Variants in CMC1 observed in about 807,000 individuals in gnomAD.
The protein encoded by CMC1 is C-X9-C motif containing 1.
CMC1 carries 14 observed loss-of-function variants against 14.1 expected under a neutral mutation model. That is an observed-to-expected ratio of 0.99 (90% CI 0.66 to 1.55). The LOEUF (loss-of-function observed/expected upper bound fraction) is 1.55, where lower values mean the gene tolerates loss of function less well. CMC1 is among the 40% of genes most tolerant of loss of function. The pLI is 0.00. For missense variants in CMC1, 127 were observed against 123.8 expected, an observed-to-expected ratio of 1.03 and a Z score of -0.12; for synonymous variants, 50 against 38.4, an observed-to-expected ratio of 1.30 and a Z score of -1.12.
intron 2 of CMC1, among the ~76,000 whole-genome samples, chr3:28,281,187 A>G (rs1700875408): frequency 6.6e-6 from 1 of 152,248 alleles, no homozygotes. Flanking sequence ...AGCTGTCTAC[A>G]TAAATGTGAC....
intron 2 of CMC1, among the ~76,000 whole-genome samples, chr3:28,302,184 A>T (rs1478903443): frequency 6.6e-6 from 1 of 152,198 alleles, no homozygotes; most frequent in Non-Finnish European, 1.5e-5. Context: ...AGTATGAAAA[A>T]GTCCAACAGG....
Position 28,322,574 on chromosome 3 carries a change from CAGGT to C in CMC1, c.*2948_*2951del, listed in dbSNP as rs1208821248. ...TAGTTTTTGCTGCTTTGTTATTACA[CAGGT>C]AGTTGCTTCCTTCAGCTAAAGCCTG... On this transcript the variant is annotated 3_prime_UTR_variant, in exon 4 of 4. Transcript: ENST00000466830. 6.6e-6 allele frequency: 1 copy of C among 151,476 alleles called. No homozygotes were observed. The highest frequency in any genetic ancestry group is 1.5e-5 in the Non-Finnish European group (1 of 67,364). 9.4% of individuals were successfully genotyped at this position (151,476 alleles called of 1,614,324 possible).
chr3:28,260,194 TATGTATTGCTG>T (rs1364863852), intron 1 of CMC1, among the ~76,000 whole-genome samples: 1 of 152,176 alleles, frequency 6.6e-6, no homozygotes, highest in African/African-American at 2.4e-5. Flanking sequence ...TCTTTCTTTT[TATGTATTGCTG>T]AGTTTGATTT....
chr3:28,283,278 C>G (rs1700988792), intron 2 of CMC1, among the ~76,000 whole-genome samples: 1 of 152,002 alleles, frequency 6.6e-6, no homozygotes, highest in African/African-American at 2.4e-5. Flanking sequence ...CTTTGGTGGG[C>G]TGGGGTAGGC....
At chr3:28,274,954 T>A (rs1229082265) in intron 2 of CMC1, among the ~76,000 whole-genome samples, 1 of 152,162 alleles carries the variant, frequency 6.6e-6, no homozygotes, top group East Asian at 1.9e-4. Flanking sequence ...TCCTTTATGT[T>A]CCTTTCTAAA....
intron 2 of CMC1, among the ~76,000 whole-genome samples, chr3:28,273,893 A>G (rs1204946108): frequency 2.0e-5 from 3 of 152,156 alleles, no homozygotes; most frequent in Admixed American, 6.5e-5. Context: ...GTCTTTTGAC[A>G]AAAAGTAGGA....
intron 1 of CMC1, among the ~76,000 whole-genome samples, chr3:28,255,199 A>G (rs17021298): frequency 0.16 from 24,103 of 149,132 alleles, 2,530 homozygotes; most frequent in East Asian, 0.48. Flanking sequence ...TTTCTCTCCA[A>G]CCATGCTTCC....
chr3:28,263,478 A>T (rs1699839212), intron 2 of CMC1, 98 bp downstream of exon 2: 2 of 724,100 alleles, frequency 2.8e-6, no homozygotes, highest in Middle Eastern at 2.6e-4. Flanking sequence ...ATGAATTAAT[A>T]TGTATGAATT....
At chr3:28,304,288 T>A (rs1245371962) in intron 2 of CMC1, among the ~76,000 whole-genome samples, 1 of 152,112 alleles carries the variant, frequency 6.6e-6, no homozygotes, top group African/African-American at 2.4e-5. Flanking sequence ...TATTTTATAT[T>A]CCTTTTGTCA....
At position 28,300,707 on chromosome 3, in the gene CMC1, CA is replaced by C. The variant is rs1559436577; in HGVS notation, c.110-15625del. Among the ~76,000 whole-genome samples, 126 of 67,330 alleles carry C rather than the reference CA, an allele frequency of 1.9e-3. 3 individuals are homozygous for C. Among genetic ancestry groups the C allele is most frequent in the African/African-American group, 7.1e-3 (120 of 16,940 alleles). The allele number at this position is 67,330 out of a possible 152,430, so 44.2% of individuals were successfully genotyped here. On this transcript the variant is annotated intron_variant, in intron 2 of 3. Transcript: ENST00000466830. The stretch of plus-strand genomic sequence containing the variant: ...CCTTTCCCTCCCTTTCCCTCCCTCT[CA>C]CCCTCCCTCCTTCCTCCCTCTCTCC...
At chr3:28,279,185 T>G (rs1700739544) in intron 2 of CMC1, among the ~76,000 whole-genome samples, 1 of 152,128 alleles carries the variant, frequency 6.6e-6, no homozygotes. Context: ...GAAATAGCAC[T>G]GGGTGAGTCC....
chr3:28,268,177 A>C (rs1181393192), intron 2 of CMC1, among the ~76,000 whole-genome samples: 1 of 152,234 alleles, frequency 6.6e-6, no homozygotes, highest in Non-Finnish European at 1.5e-5. Flanking sequence ...ATGGGTTCCC[A>C]ATCACCATTG....
chr3:28,262,675 A>G (rs1437348432), intron 1 of CMC1, among the ~76,000 whole-genome samples: 1 of 152,140 alleles, frequency 6.6e-6, no homozygotes, highest in Non-Finnish European at 1.5e-5. Context: ...GGTTCACTGA[A>G]GGCACTTATC....
Position 28,319,604 on chromosome 3 carries a change from T to C in CMC1, c.296T>C (p.Leu99Pro), listed in dbSNP as rs759263622. 2.2e-5 allele frequency: 35 copies of C among 1,607,734 alleles called. No individual in the cohort carries two copies. In the Admixed American group the frequency reaches 3.9e-4, roughly 18 times the overall value. ...RKTGIPTKKRLQKLPTSM is the reference protein window; with the variant it reads ...RKTGIPTKKRPQKLPTSM ...ACTGGAATTCCTACAAAGAAAAGGC[T>C]ACAGAAGCTTCCAACAAGCATGTAG... The change falls in exon 4 of 4, where the codon CTA becomes CCA. Residue 99 changes from leucine to proline, a missense_variant. Leu to Pro is a moderately conservative substitution (Grantham distance 98). Coordinates refer to ENST00000466830, the MANE Select transcript of CMC1 (RefSeq NM_182523.2).
rs762101485 is a variant in CMC1, at chr3:28,263,275, A to G, written c.20-16A>G. The G allele has an allele frequency of 1.3e-6, 2 of 1,556,310 alleles. No homozygotes were observed. Among genetic ancestry groups the G allele is most frequent in the East Asian group, 2.3e-5 (1 of 44,172 alleles). ...TTGCTTGAGACTTTATTAAAGAAAG[A>G]TCTTTTTTTTTTCAGACCAGCATCT... On this transcript the variant is annotated splice_polypyrimidine_tract_variant and intron_variant, in intron 1 of 3. Transcript: ENST00000466830.
chr3:28,286,939 A>G (rs919071309), intron 2 of CMC1, among the ~76,000 whole-genome samples: 47 of 152,350 alleles, frequency 3.1e-4, no homozygotes, highest in African/African-American at 1.1e-3. Context: ...TTATTGCAAA[A>G]GAGAAGAATA....
intron 2 of CMC1, among the ~76,000 whole-genome samples, chr3:28,282,664 CT>C (rs1223429616): frequency 6.6e-6 from 1 of 152,068 alleles, no homozygotes; most frequent in Non-Finnish European, 1.5e-5. Context: ...TGTCAGGCTG[CT>C]TTTTTCCTTC....
intron 2 of CMC1, among the ~76,000 whole-genome samples, chr3:28,313,551 A>G (rs1440309470): frequency 6.6e-6 from 1 of 152,224 alleles, no homozygotes; most frequent in Non-Finnish European, 1.5e-5. Flanking sequence ...TCACTATTAT[A>G]TGAATATATG....
chr3:28,301,963 C>T (rs1433713109), intron 2 of CMC1, among the ~76,000 whole-genome samples: 1 of 152,054 alleles, frequency 6.6e-6, no homozygotes, highest in Non-Finnish European at 1.5e-5. Flanking sequence ...AAGGAATTTT[C>T]TGTCACCACA....
Sources: gnomAD v4.1 joint callset for allele counts (sites outside exome capture counted in the v4.1 genomes callset) on GRCh38, gnomAD v4.1.1 for gene constraint, MANE v1.5 for transcripts, NCBI Gene and HGNC (gene_info 2026-07-23, HGNC 2026-07-21) for gene names.